SYNJ1: variants seen among roughly 807,000 people sequenced by gnomAD.
The protein encoded by SYNJ1 is synaptojanin 1.
A neutral mutation model predicts 168.2 loss-of-function variants in SYNJ1; 78 were observed. The ratio of observed to expected loss-of-function variants is 0.46; its 90% CI spans 0.39 to 0.56. The LOEUF (loss-of-function observed/expected upper bound fraction) is 0.56. SYNJ1 is among the 20% of genes least tolerant of loss of function. The pLI is 0.00. For synonymous variants in SYNJ1, 539 were observed against 548.6 expected (o/e 0.98, Z 0.24); for missense variants, 1,303 against 1,597.6 (o/e 0.82, Z 3.14).
chr21:32,631,068 G>C lies in SYNJ1; in HGVS notation c.*737C>G, dbSNP rs746226206. 10 of 1,614,108 alleles carry C rather than the reference G, an allele frequency of 6.2e-6. No homozygotes were observed. The Admixed American group carries it at 1.7e-4, about 27-fold the overall frequency. The stretch of plus-strand genomic sequence containing the variant: ...CGTGAAAGGATCTACTGGAGGGCTG[G>C]TGCCGGGCGGGAGCAGAGGGACAGG... On this transcript the variant is annotated 3_prime_UTR_variant, in exon 33 of 33. Transcript: ENST00000674351.
chr21:32,692,338 A>G (rs914749763), intron 6 of SYNJ1, among the ~76,000 whole-genome samples: 1 of 152,154 alleles, frequency 6.6e-6, no homozygotes, highest in Non-Finnish European at 1.5e-5. Flanking sequence ...GTCCTTTGGG[A>G]GGCCAAGGCA....
At chr21:32,660,973 T>C (rs1426418199) in intron 18 of SYNJ1, among the ~76,000 whole-genome samples, 1 of 152,208 alleles carries the variant, frequency 6.6e-6, no homozygotes, top group Non-Finnish European at 1.5e-5. Flanking sequence ...AAAAGCAGCA[T>C]CTACCCCTTA....
chr21:32,634,964 C>A, intron 31 of SYNJ1, 80 bp from the exon 32 acceptor site: 2 of 1,442,834 alleles, frequency 1.4e-6, no homozygotes, highest in South Asian at 2.3e-5. Context: ...ACAATTCAGT[C>A]AACAAAATGC....
chr21:32,705,341 C>A (rs923742820), intron 2 of SYNJ1, among the ~76,000 whole-genome samples: 3 of 152,134 alleles, frequency 2.0e-5, no homozygotes, highest in African/African-American at 7.2e-5. Context: ...CATACTTTGG[C>A]TTCTACATAC....
intron 2 of SYNJ1, among the ~76,000 whole-genome samples, chr21:32,704,092 A>G (rs983922125): frequency 3.3e-5 from 5 of 152,196 alleles, no homozygotes; most frequent in Non-Finnish European, 5.9e-5. Context: ...ATGTAACAAA[A>G]TGTTCTCTCT....
chr21:32,635,083 CT>C (rs894895183), intron 31 of SYNJ1, among the ~76,000 whole-genome samples, 199 bp from the exon 32 acceptor site: 1 of 152,164 alleles, frequency 6.6e-6, no homozygotes, highest in Non-Finnish European at 1.5e-5. Context: ...AGGGTCCAGA[CT>C]TTAGTTTTGT....
chr21:32,709,645 G>A (rs1472336006), intron 2 of SYNJ1, among the ~76,000 whole-genome samples: 3 of 151,264 alleles, frequency 2.0e-5, no homozygotes, highest in Non-Finnish European at 4.4e-5. Flanking sequence ...AGCCTCTCGA[G>A]TAGCTGGGAT....
At chr21:32,690,665 T>C (rs2041989582) in intron 6 of SYNJ1, among the ~76,000 whole-genome samples, 1 of 152,136 alleles carries the variant, frequency 6.6e-6, no homozygotes, top group African/African-American at 2.4e-5. Context: ...CCGAGGCAGC[T>C]GGATCACCTG....
chr21:32,657,094 T>C lies in SYNJ1; in HGVS notation c.2488A>G (p.Ser830Gly), dbSNP rs772572747. Residue 830 changes from serine (S) to glycine (G), a missense_variant, in exon 20 of 33, where the codon AGT (serine) becomes GGT (glycine). Transcript: ENST00000674351. The part of the protein sequence containing the change: ...SAEDLDLLNA[S>G]FQDESKILYT... ...AGAATTTTGCTTTCATCTTGAAAAC[T>C]AGCATTTAGAAGATCTAGATCTTCA... 2.5e-6 allele frequency: 4 copies of C among 1,613,302 alleles called. No homozygotes were observed. The highest frequency in any genetic ancestry group is 1.1e-5 in the South Asian group (1 of 91,072).
At chr21:32,682,413 G>A (rs1041697913) in intron 10 of SYNJ1, among the ~76,000 whole-genome samples, 18 of 151,898 alleles carry the variant, frequency 1.2e-4, no homozygotes, top group Admixed American at 9.2e-4. Flanking sequence ...TCCAATTTAC[G>A]TTTTATTTTA....
chr21:32,633,026 A>G (rs1204021511), intron 32 of SYNJ1, among the ~76,000 whole-genome samples: 2 of 152,194 alleles, frequency 1.3e-5, no homozygotes, highest in Admixed American at 1.3e-4. Context: ...TCAAAAAACA[A>G]AAAACAAAAA....
In SYNJ1 at chr21:32,681,333, T is replaced by C. The variant is rs1419446020; in HGVS notation, c.1353+163A>G. On this transcript the variant is annotated intron_variant, in intron 11 of 32. Transcript: ENST00000674351. The stretch of plus-strand genomic sequence containing the variant: ...CTTCCATTTATTCACTAGTATCCAC[T>C]GTGAAAGGAAGTATCAAAGAAGGCA... Among the ~76,000 whole-genome samples the C allele has an allele frequency of 2.6e-5, 4 of 152,318 alleles. No individual in the cohort carries two copies. The South Asian group carries it at 6.2e-4, about 24-fold the overall frequency.
At chr21:32,646,704 G>C in intron 23 of SYNJ1, 102 bp from the exon 24 acceptor site, 1 of 800,300 alleles carries the variant, frequency 1.2e-6, no homozygotes. Context: ...AAACAAATAT[G>C]AACATTATGT....
chr21:32,688,633 A>T (rs982976920), intron 6 of SYNJ1, among the ~76,000 whole-genome samples: 4 of 152,226 alleles, frequency 2.6e-5, no homozygotes, highest in Admixed American at 2.6e-4. Flanking sequence ...TTATTGATGA[A>T]AACTATTTTT....
At chr21:32,666,270 T>C (rs1235147825) in intron 16 of SYNJ1, 135 bp from the exon 17 acceptor site, 2 of 1,412,586 alleles carry the variant, frequency 1.4e-6, no homozygotes, top group Non-Finnish European at 1.9e-6. Flanking sequence ...AATAGTACAG[T>C]GAAGCTATTG....
chr21:32,727,976 C>A lies in SYNJ1; in HGVS notation c.-53G>T. Reference sequence around the variant, plus strand: ...CCTCCGGCTCCTCCTCCTCCTTCTCCCGCAGCCGCCGCCACAGCCGCCGGG... The same window carrying A: ...CCTCCGGCTCCTCCTCCTCCTTCTCACGCAGCCGCCGCCACAGCCGCCGGG... On this transcript the variant is annotated 5_prime_UTR_variant, in exon 1 of 33. Transcript: ENST00000674351. The A allele has an allele frequency of 6.5e-7, 1 of 1,535,244 alleles. No individual in the cohort carries two copies. Among genetic ancestry groups the A allele is most frequent in the Non-Finnish European group, 8.7e-7 (1 of 1,146,054 alleles).
chr21:32,697,309 T>C (rs1360341290), intron 4 of SYNJ1, among the ~76,000 whole-genome samples: 1 of 152,162 alleles, frequency 6.6e-6, no homozygotes, highest in East Asian at 1.9e-4. Flanking sequence ...GTATGCACAA[T>C]GAATTCCAAA....
chr21:32,700,154 G>C, intron 3 of SYNJ1, 49 bp from the exon 4 acceptor site: 1 of 1,542,036 alleles, frequency 6.5e-7, no homozygotes, highest in Non-Finnish European at 8.7e-7. Context: ...ACATTTTCAA[G>C]CTATTCCATT....
chr21:32,703,284 G>A (rs992357268), intron 2 of SYNJ1, among the ~76,000 whole-genome samples: 12 of 152,208 alleles, frequency 7.9e-5, no homozygotes, highest in Non-Finnish European at 2.9e-5. Flanking sequence ...ATTAGGGAGT[G>A]GAGATTCGCC....
Sources: allele counts gnomAD v4.1 joint callset (sites outside exome capture counted in the v4.1 genomes callset), GRCh38; gene constraint gnomAD v4.1.1; transcripts MANE v1.5; gene names NCBI Gene and HGNC (gene_info 2026-07-23, HGNC 2026-07-21).